PKMYT1: variants seen among roughly 807,000 people sequenced by gnomAD.
PKMYT1 encodes membrane-associated tyrosine- and threonine-specific cdc2-inhibitory kinase.
PKMYT1 carries 35 observed loss-of-function variants against 49.7 expected under a neutral mutation model. That is an observed-to-expected ratio of 0.70 (90% CI 0.54 to 0.93). The LOEUF (loss-of-function observed/expected upper bound fraction) is 0.93. Among genes scored for constraint, PKMYT1 ranks in the 40% least tolerant of loss-of-function variants. PKMYT1 has a pLI of 0.00. For synonymous variants in PKMYT1, 331 were observed against 287.6 expected, an observed-to-expected ratio of 1.15 and a Z score of -1.53; for missense variants, 677 against 673.1, an observed-to-expected ratio of 1.01 and a Z score of -0.06.
At chr16:2,974,957 C>T (rs1296453926) in intron 4 of PKMYT1, among the ~76,000 whole-genome samples, 1 of 152,220 alleles carries the variant, frequency 6.6e-6, no homozygotes, top group Non-Finnish European at 1.5e-5. Flanking sequence ...TCCTGATGAT[C>T]AGGGCAGTGG....
At chr16:2,979,418 C>A (rs147261086) in intron 2 of PKMYT1, 14 of 569,110 alleles carry the variant, frequency 2.5e-5, no homozygotes, top group Admixed American at 6.0e-5. Context: ...GGGAGCGATG[C>A]TACCTGGGCC....
chr16:2,973,331 C>G, intron 7 of PKMYT1, 116 bp from the exon 8 acceptor site: 2 of 1,535,212 alleles, frequency 1.3e-6, no homozygotes, highest in South Asian at 2.5e-5. Context: ...CAGGGAGCCA[C>G]AGTCAGGGAC....
rs1364547213 is a variant in PKMYT1 at position 2,980,304 on chromosome 16, G to T, written c.-274C>A. ...GGCTCACCTGGGGCGACTGGGCGGG[G>T]CGCGGGTCCGCGAGGGCCCAGATTC... On this transcript the variant is annotated 5_prime_UTR_variant, in exon 1 of 9. Coordinates refer to ENST00000262300, the MANE Select transcript of PKMYT1 (RefSeq NM_004203.5). 6.6e-6 allele frequency: 1 copy of T among 152,478 alleles called. No homozygotes were observed. Among genetic ancestry groups the T allele is most frequent in the Admixed American group, 6.5e-5 (1 of 15,290 alleles). 9.4% of individuals were successfully genotyped at this position (152,478 alleles called of 1,614,324 possible).
At chr16:2,976,460 T>C (rs760265316) in intron 3 of PKMYT1, among the ~76,000 whole-genome samples, 1 of 152,144 alleles carries the variant, frequency 6.6e-6, no homozygotes, top group Non-Finnish European at 1.5e-5. Flanking sequence ...GGGGCCAGTA[T>C]GCACAGAGCA....
At position 2,976,708 on chromosome 16, in the gene PKMYT1, T is replaced by G. The variant is rs755431819; in HGVS notation, c.334A>C (p.Arg112=). ...PESFFQQSFQ[R]LSRLGHGSYG... ...GAGCCATGGCCCAGGCGGCTGAGCCTCTGGAAGCTCTGCTGGAAGAAGGAC... is the reference window on the plus strand; with the variant it reads ...GAGCCATGGCCCAGGCGGCTGAGCCGCTGGAAGCTCTGCTGGAAGAAGGAC... The change falls in exon 3 of 9, where the codon AGG becomes CGG. Residue 112 remains arginine, a synonymous_variant. Transcript: ENST00000262300. 3 of 1,490,814 alleles carry G rather than the reference T, an allele frequency of 2.0e-6. No individual in the cohort carries two copies. The East Asian group carries it at 7.0e-5, about 35-fold the overall frequency. The allele number at this position is 1,490,814 out of a possible 1,614,324, so 92.3% of individuals were successfully genotyped here.
At chr16:2,973,560 G>T (rs1220394848) in intron 7 of PKMYT1, 2 of 814,002 alleles carry the variant, frequency 2.5e-6, no homozygotes, top group African/African-American at 1.7e-5. Flanking sequence ...AGGGGCTAAC[G>T]GCAGAGTCCC....
rs375370782 is a variant in PKMYT1, at chr16:2,973,232, G to A, written c.1311-17C>T. The A allele has an allele frequency of 6.0e-5, 89 of 1,485,052 alleles. No homozygotes were observed. In the African/African-American group the frequency reaches 6.3e-4, roughly 10 times the overall value. The allele number at this position is 1,485,052 out of a possible 1,614,324, so 92.0% of individuals were successfully genotyped here. On this transcript the variant is annotated splice_polypyrimidine_tract_variant and intron_variant, in intron 7 of 8. Transcript: ENST00000262300. ...AGTGAAGGCCTGCAGGAGGGCAGGC[G>A]AGACAAGGAGGGTGTCCAGGGCTAG... is the stretch of plus-strand genomic sequence containing the variant.
At chr16:2,979,517 G>C in intron 2 of PKMYT1, 131 bp downstream of exon 2, 1 of 749,962 alleles carries the variant, frequency 1.3e-6, no homozygotes. Context: ...TCCAAGTCAG[G>C]AGCCAGGGTG....
Position 2,979,652 on chromosome 16 carries a change from T to C in PKMYT1, c.6A>G (p.Leu2=). The C allele has an allele frequency of 6.2e-6, 10 of 1,613,332 alleles. No individual in the cohort carries two copies. Among genetic ancestry groups the C allele is most frequent in the Non-Finnish European group, 8.5e-6 (10 of 1,179,268 alleles). Residue 2 remains leucine (L), a synonymous_variant, in exon 2 of 9, where the codon CTA becomes CTG. Transcript: ENST00000262300. M[L]ERPPALAMPM... ...CGTCCCTGCCCTACGACTTACGTTC[T>C]AGCATGACTGGCCTGGCCCAACAGC...
Position 2,974,111 on chromosome 16 carries a change from G to A in PKMYT1, c.1199C>T (p.Pro400Leu). ...GCCCAGGGGCTGTAGCCAGCTGGCA[G>A]GGTGAGCCAGCCCATGCCAGAGCCA... ...LCWLWHGLAHPASWLQPLGPP... is the reference protein window; with the variant it reads ...LCWLWHGLAHLASWLQPLGPP... Residue 400 changes from proline to leucine, a missense_variant, in exon 7 of 9, where the codon CCT (proline) becomes CTT (leucine). By Grantham distance (98) the Pro-to-Leu change is moderately conservative. Transcript: ENST00000262300. 2 of 1,606,550 alleles carry A rather than the reference G, an allele frequency of 1.2e-6. No individual in the cohort carries two copies. Among genetic ancestry groups the A allele is most frequent in the Non-Finnish European group, 1.7e-6 (2 of 1,176,874 alleles).
In PKMYT1 at chr16:2,972,888, G is replaced by A; in HGVS notation, c.*65C>T. The A allele has an allele frequency of 1.3e-6, 2 of 1,545,866 alleles. No homozygotes were observed. Among genetic ancestry groups the A allele is most frequent in the South Asian group, 2.4e-5 (2 of 84,448 alleles). On this transcript the variant is annotated 3_prime_UTR_variant, in exon 9 of 9. Coordinates refer to ENST00000262300, the MANE Select transcript of PKMYT1 (RefSeq NM_004203.5). ...CCATGGGAGTTCCCGAGGGGCCCCA[G>A]CTTTCAAGGGCGACGGGAGAGACAC...
Position 2,972,940 on chromosome 16 carries a change from CAG to C in PKMYT1, c.*11_*12del, listed in dbSNP as rs745881639. Reference sequence around the variant, plus strand: ...GGATAAAAGGTTAAAAGTGCAGAGGCAGAGTCTGGGGCTCAGGTTGGGTCTAG... The same window carrying C: ...GGATAAAAGGTTAAAAGTGCAGAGGCAGTCTGGGGCTCAGGTTGGGTCTAG... On this transcript the variant is annotated 3_prime_UTR_variant, in exon 9 of 9. Coordinates refer to ENST00000262300, the MANE Select transcript of PKMYT1 (RefSeq NM_004203.5). 5.6e-6 allele frequency: 9 copies of C among 1,593,380 alleles called. No individual in the cohort carries two copies. The African/African-American group carries it at 1.2e-4, about 21-fold the overall frequency.
rs1243867101 is a variant in PKMYT1, at chr16:2,973,185, G to C, written c.1341C>G (p.Ala447=). The C allele has an allele frequency of 6.6e-7, 1 of 1,524,872 alleles. No individual in the cohort carries two copies. Among genetic ancestry groups the C allele is most frequent in the Non-Finnish European group, 8.8e-7 (1 of 1,131,430 alleles). The allele number at this position is 1,524,872 out of a possible 1,614,324, so 94.5% of individuals were successfully genotyped here. ...GPSLSPEAVL[A]RTVGSTSTPR... ...GGGTGGAGGTGCTCCCCACAGTCCG[G>C]GCCAGGACAGCCTCAGGGGAGAGTG... is the stretch of plus-strand genomic sequence containing the variant. The change falls in exon 8 of 9, where the codon GCC becomes GCG. Residue 447 remains alanine (A), a synonymous_variant. Coordinates refer to ENST00000262300, the MANE Select transcript of PKMYT1 (RefSeq NM_004203.5).
intron 3 of PKMYT1, chr16:2,976,224 T>G (rs191881005): frequency 9.3e-6 from 2 of 213,910 alleles, no homozygotes; most frequent in Admixed American, 1.2e-4. Flanking sequence ...AAGGGAAAAC[T>G]CCTCTCTAAA....
chr16:2,979,365 TAAAA>T, intron 2 of PKMYT1: 1 of 360,972 alleles, frequency 2.8e-6, no homozygotes, highest in Non-Finnish European at 5.0e-6. Flanking sequence ...AATAAAAAAT[TAAAA>T]AGAGCAGTCT....
Position 2,979,780 on chromosome 16 carries a change from C to T in PKMYT1, c.-123G>A. On this transcript the variant is annotated 5_prime_UTR_variant, in exon 2 of 9. Coordinates refer to ENST00000262300, the MANE Select transcript of PKMYT1 (RefSeq NM_004203.5). ...GGGTGACCTCCGCAGCTTCCGGGGC[C>T]CTGGGCGATCGGGCCGTCTCGCCTC... is the stretch of plus-strand genomic sequence containing the variant. 8.4e-7 allele frequency: 1 copy of T among 1,196,336 alleles called. No individual in the cohort carries two copies. Among genetic ancestry groups the T allele is most frequent in the Non-Finnish European group, 1.2e-6 (1 of 824,906 alleles). 74.1% of individuals were successfully genotyped at this position (1,196,336 alleles called of 1,614,324 possible).
chr16:2,975,800 C>T lies in PKMYT1; in HGVS notation c.391G>A (p.Glu131Lys), dbSNP rs751229692. 5.7e-6 allele frequency: 9 copies of T among 1,590,680 alleles called. No homozygotes were observed. Among genetic ancestry groups the T allele is most frequent in the Admixed American group, 1.7e-5 (1 of 59,670 alleles). Residue 131 changes from glutamate (E) to lysine (K), a missense_variant, in exon 4 of 9, where the codon GAG becomes AAG. Physicochemically the swap from Glu to Lys is moderately conservative, Grantham distance 56 (BLOSUM62 1). Transcript: ENST00000262300. Reference sequence around the variant, plus strand: ...TTTACCGCATAGAGCCGGCCGTCCTCCTTGGAGCGCACCTGGAAGGGAGGT... The same window carrying T: ...TTTACCGCATAGAGCCGGCCGTCCTTCTTGGAGCGCACCTGGAAGGGAGGT... ...YGEVFKVRSK[E>K]DGRLYAVKRS...
intron 7 of PKMYT1, chr16:2,973,705 G>C (rs1028199601): frequency 9.8e-6 from 5 of 509,234 alleles, no homozygotes; most frequent in Non-Finnish European, 7.0e-6. Flanking sequence ...CCAGAGAAGG[G>C]ACAATGTTTT....
In PKMYT1 at chr16:2,979,874, G is replaced by A; in HGVS notation, c.-217C>T. 1 of 599,856 alleles carries A rather than the reference G, an allele frequency of 1.7e-6. No homozygotes were observed. The highest frequency in any genetic ancestry group is 1.9e-5 in the South Asian group (1 of 51,522). The allele number at this position is 599,856 out of a possible 1,614,324, so 37.2% of individuals were successfully genotyped here. A position where few individuals can be genotyped will look rare whatever the true frequency, so the allele number is the denominator to read the frequency against. On this transcript the variant is annotated 5_prime_UTR_variant, in exon 2 of 9. Coordinates refer to ENST00000262300, the MANE Select transcript of PKMYT1 (RefSeq NM_004203.5). Reference sequence around the variant, plus strand: ...GTAGACGGTAAGTTCCTCCCAGGCAGGGCCGCGGCTGACTTCACTCCGTGG... The same window carrying A: ...GTAGACGGTAAGTTCCTCCCAGGCAAGGCCGCGGCTGACTTCACTCCGTGG...
Sources: allele counts gnomAD v4.1 joint callset (sites outside exome capture counted in the v4.1 genomes callset), GRCh38; gene constraint gnomAD v4.1.1; transcripts MANE v1.5; gene names NCBI Gene and HGNC (gene_info 2026-07-23, HGNC 2026-07-21).